PARG: variants seen among roughly 807,000 people sequenced by gnomAD.
PARG encodes mitochondrial poly(ADP-ribose) glycohydrolase.
In PARG, 35 loss-of-function variants were observed where a neutral mutation model predicts 113.0. The ratio of observed to expected loss-of-function variants is 0.31; its 90% CI spans 0.24 to 0.41. PARG has a LOEUF of 0.41. Ranked by LOEUF, PARG falls within the 10% of genes least tolerant of loss-of-function variation. The pLI is 1.00. For missense variants in PARG, 797 were observed against 1,169.4 expected (o/e 0.68, Z 4.64); for synonymous variants, 330 against 409.9 (o/e 0.81, Z 2.36).
intron 4 of PARG, among the ~76,000 whole-genome samples, chr10:49,927,380 A>AAGAAAGAG (rs1838251841): frequency 1.9e-5 from 1 of 51,792 alleles, no homozygotes; most frequent in African/African-American, 3.6e-5. Flanking sequence ...GAAAGAAAGA[A>AAGAAAGAG]AGAAAGAAAG....
chr10:49,925,833 T>C (rs1838128315), intron 4 of PARG, among the ~76,000 whole-genome samples: 2 of 152,260 alleles, frequency 1.3e-5, no homozygotes, highest in South Asian at 2.1e-4. Flanking sequence ...CCTAAGGAAA[T>C]TGAACACTTG....
chr10:49,878,544 G>T (rs1269925891), intron 9 of PARG, among the ~76,000 whole-genome samples: 1 of 146,438 alleles, frequency 6.8e-6, no homozygotes, highest in African/African-American at 2.5e-5. Flanking sequence ...CTTGAACCCG[G>T]GAGGTGGAGG....
At chr10:49,869,982 G>T (rs1271586906) in intron 9 of PARG, among the ~76,000 whole-genome samples, 4 of 152,134 alleles carry the variant, frequency 2.6e-5, no homozygotes, top group African/African-American at 9.7e-5. Flanking sequence ...TGTTTGTGAG[G>T]AAATGAGAGT....
intron 13 of PARG, among the ~76,000 whole-genome samples, chr10:49,849,959 A>G (rs2573382): frequency 6.6e-6 from 1 of 152,284 alleles, no homozygotes; most frequent in Admixed American, 6.5e-5. Flanking sequence ...TTGAGGTAAC[A>G]GTGAGCTATG....
In PARG at chr10:49,917,472, G is replaced by C. The variant is rs1564655801; in HGVS notation, c.1663-1481C>G. Among the ~76,000 whole-genome samples the C allele has an allele frequency of 2.2e-5, 3 of 137,706 alleles. 1 individual carries two copies. Among genetic ancestry groups the C allele is most frequent in the Non-Finnish European group, 4.6e-5 (3 of 65,548 alleles). The allele number at this position is 137,706 out of a possible 152,430, so 90.3% of individuals were successfully genotyped here. A position where few individuals can be genotyped will look rare whatever the true frequency, so the allele number is the denominator to read the frequency against. The stretch of plus-strand genomic sequence containing the variant: ...CCACTGCACTCCAGCCTGGGTGACA[G>C]AGCGAGACTCCGTCTCAAAAAAAAA... On this transcript the variant is annotated intron_variant, in intron 6 of 17. Coordinates refer to ENST00000616448, the MANE Select transcript of PARG (RefSeq NM_003631.5).
At chr10:49,864,237 G>T (rs1475967828) in intron 11 of PARG, among the ~76,000 whole-genome samples, 1 of 152,106 alleles carries the variant, frequency 6.6e-6, no homozygotes, top group Non-Finnish European at 1.5e-5. Context: ...CCAAAATGCT[G>T]TACGTGTTCT....
At chr10:49,842,081 GA>G in intron 14 of PARG, 23 bp from the exon 15 acceptor site, 1 of 1,467,470 alleles carries the variant, frequency 6.8e-7, no homozygotes, top group Non-Finnish European at 9.3e-7. Flanking sequence ...GGAAAGGGGA[GA>G]AAAGATAAGG....
At chr10:49,924,217 C>T (rs1237591088) in intron 4 of PARG, among the ~76,000 whole-genome samples, 1 of 146,628 alleles carries the variant, frequency 6.8e-6, no homozygotes, top group Non-Finnish European at 1.5e-5. Context: ...AACATTATGC[C>T]TATTCTGGAT....
intron 13 of PARG, among the ~76,000 whole-genome samples, chr10:49,851,781 C>CAAAAAAAA (rs782455561): frequency 3.7e-5 from 3 of 81,916 alleles, no homozygotes; most frequent in East Asian, 5.3e-4. Context: ...TAAGAGAAGA[C>CAAAAAAAA]AAAAAAAAAA....
At chr10:49,912,831 G>A (rs553976995) in intron 7 of PARG, among the ~76,000 whole-genome samples, 1 of 152,226 alleles carries the variant, frequency 6.6e-6, no homozygotes, top group African/African-American at 2.4e-5. Flanking sequence ...AGCCAGGTGT[G>A]GTAGCACATG....
chr10:49,907,848 T>C (rs2132791638), intron 7 of PARG, among the ~76,000 whole-genome samples: 2 of 152,280 alleles, frequency 1.3e-5, no homozygotes, highest in South Asian at 4.1e-4. Context: ...CACAGAATTA[T>C]CTTCACTCCT....
intron 7 of PARG, among the ~76,000 whole-genome samples, chr10:49,911,212 G>A (rs1393349441): frequency 2.8e-4 from 42 of 151,814 alleles, no homozygotes; most frequent in Non-Finnish European, 4.4e-4. Context: ...GAACCTGGGA[G>A]GCAGAGGTTG....
chr10:49,895,036 C>T (rs1313877573), intron 7 of PARG, among the ~76,000 whole-genome samples: 66 of 152,238 alleles, frequency 4.3e-4, no homozygotes, highest in Non-Finnish European at 4.7e-4. Context: ...GTCTCTGTGT[C>T]CTTTCCTTCT....
Position 49,941,541 on chromosome 10 carries a change from G to C in PARG, c.185C>G (p.Ala62Gly). The C allele has an allele frequency of 1.3e-6, 2 of 1,558,870 alleles. No individual in the cohort carries two copies. Among genetic ancestry groups the C allele is most frequent in the Non-Finnish European group, 1.7e-6 (2 of 1,151,682 alleles). ...PSSPACVPGR[A>G]GQHRGSATSL... ...GGTGGCGCTGCCTCTGTGCTGTCCC[G>C]CCCGCCCTGGGACGCAGGCTGGCGA... The change falls in exon 1 of 18, where the codon GCG becomes GGG. Residue 62 changes from alanine to glycine, a missense_variant. Physicochemically the swap from Ala to Gly is moderately conservative, Grantham distance 60. Coordinates refer to ENST00000616448, the MANE Select transcript of PARG (RefSeq NM_003631.5).
At chr10:49,919,438 G>A (rs1342801469) in intron 6 of PARG, among the ~76,000 whole-genome samples, 4 of 152,292 alleles carry the variant, frequency 2.6e-5, no homozygotes, top group South Asian at 2.1e-4. Flanking sequence ...CACGCTGTAC[G>A]AATGAAGGCT....
At chr10:49,928,292 G>A (rs1483723776) in intron 4 of PARG, among the ~76,000 whole-genome samples, 2 of 151,822 alleles carry the variant, frequency 1.3e-5, no homozygotes, top group Non-Finnish European at 2.9e-5. Flanking sequence ...AAAGTCAGAT[G>A]TGACAGAATC....
intron 11 of PARG, among the ~76,000 whole-genome samples, chr10:49,862,116 G>A (rs1846282488): frequency 7.3e-6 from 1 of 137,622 alleles, no homozygotes; most frequent in Admixed American, 7.0e-5. Context: ...TGTGTGTCTT[G>A]ATGAAAATAC....
chr10:49,867,002 C>A (rs1203237268), intron 10 of PARG: 1 of 138,736 alleles, frequency 7.2e-6, no homozygotes, highest in East Asian at 1.9e-4. Context: ...TTTATCAATT[C>A]TAAAAGGCAT....
intron 8 of PARG, among the ~76,000 whole-genome samples, chr10:49,883,204 T>G (rs1447154755): frequency 6.6e-6 from 1 of 152,220 alleles, no homozygotes; most frequent in Non-Finnish European, 1.5e-5. Context: ...TGCGTTGTTT[T>G]CTGGTTGCCC....
Sources: allele counts gnomAD v4.1 joint callset (sites outside exome capture counted in the v4.1 genomes callset), GRCh38; gene constraint gnomAD v4.1.1; transcripts MANE v1.5; gene names NCBI Gene and HGNC (gene_info 2026-07-23, HGNC 2026-07-21).